Variants in DYNC1LI2 observed in about 807,000 individuals in gnomAD.
DYNC1LI2 encodes the protein cytoplasmic dynein 1 light intermediate chain 2.
A neutral mutation model predicts 57.8 loss-of-function variants in DYNC1LI2; 19 were observed. The observed-to-expected ratio is 0.33, with a 90% CI of 0.23 to 0.48. DYNC1LI2 has a LOEUF of 0.48. Ranked by LOEUF, DYNC1LI2 falls within the 20% of genes least tolerant of loss-of-function variation. DYNC1LI2 has a pLI of 0.99. For synonymous variants in DYNC1LI2, 256 were observed against 233.4 expected, an observed-to-expected ratio of 1.10 and a Z score of -0.88; for missense variants, 470 against 604.2, an observed-to-expected ratio of 0.78 and a Z score of 2.33.
At position 66,723,240 on chromosome 16, in the gene DYNC1LI2, C is replaced by G. The variant is rs1289243497; in HGVS notation, c.*482G>C. Reference sequence around the variant, plus strand: ...CATCTCCTCCTTCCTCCACCTCCCTCAACATTCAGCTTCCCCACCATCACT... The same window carrying G: ...CATCTCCTCCTTCCTCCACCTCCCTGAACATTCAGCTTCCCCACCATCACT... On this transcript the variant is annotated 3_prime_UTR_variant, in exon 13 of 13. Transcript: ENST00000258198. 1.6e-5 allele frequency: 7 copies of G among 429,814 alleles called. No individual in the cohort carries two copies. The highest frequency in any genetic ancestry group is 2.4e-5 in the Admixed American group (1 of 41,060). 26.6% of individuals were successfully genotyped at this position (429,814 alleles called of 1,614,324 possible). A position where few individuals can be genotyped will look rare whatever the true frequency, so the allele number is the denominator to read the frequency against.
Position 66,730,095 on chromosome 16 carries a change from C to G in DYNC1LI2, c.1041+17G>C. 1 of 1,610,440 alleles carries G rather than the reference C, an allele frequency of 6.2e-7. No homozygotes were observed. The highest frequency in any genetic ancestry group is 1.1e-5 in the South Asian group (1 of 90,638). ...CGCGCCCGGCCCTAAACCCTTAAAG[C>G]AATTGTCTTTGACTACCTTTCTCAC... On this transcript the variant is annotated intron_variant, in intron 8 of 12. Coordinates refer to ENST00000258198, the MANE Select transcript of DYNC1LI2 (RefSeq NM_006141.3).
At chr16:66,734,945 C>T (rs1190209979) in intron 5 of DYNC1LI2, among the ~76,000 whole-genome samples, 17 of 117,438 alleles carry the variant, frequency 1.4e-4, no homozygotes, top group Admixed American at 3.6e-4. Context: ...TGCAGTGAGC[C>T]GAGATCACAC....
At chr16:66,744,161 C>T (rs910670864) in intron 3 of DYNC1LI2, among the ~76,000 whole-genome samples, 5 of 151,880 alleles carry the variant, frequency 3.3e-5, no homozygotes, top group Non-Finnish European at 7.4e-5. Context: ...TAGTGATCCA[C>T]CCACTTCAGC....
intron 4 of DYNC1LI2, among the ~76,000 whole-genome samples, chr16:66,741,466 A>G (rs1366950196): frequency 6.6e-6 from 1 of 152,232 alleles, no homozygotes; most frequent in African/African-American, 2.4e-5. Context: ...GTTTTAGACA[A>G]CGTGGGACAG....
At chr16:66,744,868 A>C (rs1220004831) in intron 3 of DYNC1LI2, among the ~76,000 whole-genome samples, 1 of 151,040 alleles carries the variant, frequency 6.6e-6, no homozygotes, top group Non-Finnish European at 1.5e-5. Flanking sequence ...CCAAATTTAT[A>C]ATGTATTTTT....
intron 12 of DYNC1LI2, 46 bp downstream of exon 12, chr16:66,725,782 C>T (rs2017526690): frequency 4.4e-6 from 7 of 1,582,780 alleles, no homozygotes; most frequent in Non-Finnish European, 6.0e-6. Context: ...ATCCTTGCAG[C>T]ACTACTCAAC....
chr16:66,734,197 C>T, intron 6 of DYNC1LI2, 21 bp downstream of exon 6: 1 of 1,612,982 alleles, frequency 6.2e-7, no homozygotes, highest in Admixed American at 1.7e-5. Context: ...ACCCAGGCCC[C>T]ACACAGCGCC....
chr16:66,723,877 T>TCC, intron 12 of DYNC1LI2, 55 bp from the exon 13 acceptor site: 1 of 1,450,698 alleles, frequency 6.9e-7, no homozygotes, highest in Middle Eastern at 1.8e-4. Context: ...GAGGAAACAA[T>TCC]TTTTTTTAAA....
intron 2 of DYNC1LI2, 144 bp from the exon 3 acceptor site, chr16:66,749,457 CT>C (rs2018000938): frequency 1.2e-6 from 1 of 808,190 alleles, no homozygotes; most frequent in South Asian, 1.6e-5. Context: ...AAACAAAGGA[CT>C]TTGCTGGAAG....
intron 7 of DYNC1LI2, 58 bp downstream of exon 7, chr16:66,732,259 CTTCCTTGAAGGGGTAAAATGTA>C (rs2017650761): frequency 1.3e-6 from 2 of 1,531,952 alleles, no homozygotes; most frequent in South Asian, 2.6e-5. Flanking sequence ...CAGAAGGCAC[CTTCCTTGAAGGGGTAAAATGTA>C]AAAAGCAAAT....
intron 7 of DYNC1LI2, chr16:66,731,936 A>G (rs574236422): frequency 6.1e-6 from 1 of 164,434 alleles, no homozygotes; most frequent in African/African-American, 2.4e-5. Context: ...AATATAGCGA[A>G]AGCCCATGCT....
intron 9 of DYNC1LI2, 80 bp from the exon 10 acceptor site, chr16:66,728,322 T>C: frequency 6.6e-7 from 1 of 1,526,360 alleles, no homozygotes; most frequent in Non-Finnish European, 9.0e-7. Context: ...TTACTCCAAG[T>C]ACTCCACTAG....
intron 4 of DYNC1LI2, chr16:66,738,187 A>ATT (rs1449199409): frequency 2.6e-5 from 4 of 151,938 alleles, no homozygotes; most frequent in African/African-American, 9.7e-5. Flanking sequence ...AGCAAACTGA[A>ATT]AACTAACTGA....
intron 8 of DYNC1LI2, 83 bp from the exon 9 acceptor site, chr16:66,729,182 G>A (rs765076511): frequency 4.6e-5 from 69 of 1,486,702 alleles, no homozygotes; most frequent in Middle Eastern, 1.7e-4. Flanking sequence ...AGGAGAGTCC[G>A]AGGCTCAGGC....
chr16:66,729,135 A>G, intron 8 of DYNC1LI2, 36 bp from the exon 9 acceptor site: 1 of 1,612,138 alleles, frequency 6.2e-7, no homozygotes, highest in Non-Finnish European at 8.5e-7. Flanking sequence ...GCCACAGGCC[A>G]AGAATACTCC....
At chr16:66,730,302 T>C in intron 7 of DYNC1LI2, 79 bp from the exon 8 acceptor site, 1 of 1,212,956 alleles carries the variant, frequency 8.2e-7, no homozygotes, top group Middle Eastern at 2.0e-4. Context: ...TCAGGACTCC[T>C]GGGTAGGACA....
chr16:66,730,273 G>T (rs774372358), intron 7 of DYNC1LI2, 50 bp from the exon 8 acceptor site: 2 of 1,515,590 alleles, frequency 1.3e-6, no homozygotes, highest in East Asian at 4.5e-5. Flanking sequence ...GGCTGCCTTA[G>T]AGCATACTCA....
At chr16:66,735,054 G>A (rs1453137238) in intron 5 of DYNC1LI2, among the ~76,000 whole-genome samples, 5 of 129,176 alleles carry the variant, frequency 3.9e-5, no homozygotes, top group African/African-American at 5.9e-5. Context: ...CCTTATATAA[G>A]AGATACAACT....
intron 8 of DYNC1LI2, 47 bp downstream of exon 8, chr16:66,730,065 G>A: frequency 1.3e-6 from 2 of 1,548,264 alleles, no homozygotes; most frequent in Non-Finnish European, 1.8e-6. Flanking sequence ...ACAGGCATCA[G>A]CCACCGCGCC....
Sources: allele counts gnomAD v4.1 joint callset (sites outside exome capture counted in the v4.1 genomes callset), GRCh38; gene constraint gnomAD v4.1.1; transcripts MANE v1.5; gene names NCBI Gene and HGNC (gene_info 2026-07-23, HGNC 2026-07-21).